CCDC171: variants seen among roughly 807,000 people sequenced by gnomAD.
CCDC171 encodes coiled-coil domain containing 171, also known as coiled-coil domain-containing protein 171.
Under a neutral mutation model 168.2 loss-of-function variants are expected in CCDC171, and 177 were observed. The observed-to-expected ratio is 1.05, with a 90% confidence interval of 0.93 to 1.19. The LOEUF (loss-of-function observed/expected upper bound fraction) is 1.19, where lower values mean the gene tolerates loss of function less well. Among genes scored for constraint, CCDC171 ranks in the 50% most tolerant of loss-of-function variants. The pLI is 0.00. For missense variants in CCDC171, 1,991 were observed against 1,539.0 expected, an observed-to-expected ratio of 1.29 and a Z score of -4.91; for synonymous variants, 687 against 540.8, an observed-to-expected ratio of 1.27 and a Z score of -3.75.
At chr9:15,886,864 G>A (rs1175002549) in intron 24 of CCDC171, 4 of 151,998 alleles carry the variant, frequency 2.6e-5, no homozygotes, top group Non-Finnish European at 4.4e-5. Context: ...AGGACATTAT[G>A]CTAAGCGAAA....
intron 24 of CCDC171, among the ~76,000 whole-genome samples, chr9:15,880,957 G>A (rs955521633): frequency 1.3e-5 from 2 of 152,094 alleles, no homozygotes; most frequent in African/African-American, 4.8e-5. Flanking sequence ...GAGAATAAAC[G>A]AATTTGATGG....
At chr9:15,714,927 A>T (rs2052965446) in intron 11 of CCDC171, among the ~76,000 whole-genome samples, 1 of 152,206 alleles carries the variant, frequency 6.6e-6, no homozygotes, top group Admixed American at 6.5e-5. Flanking sequence ...TGTAGGTCAA[A>T]CCATTTTGTT....
At chr9:15,629,503 G>A (rs553375873) in intron 7 of CCDC171, among the ~76,000 whole-genome samples, 3 of 152,160 alleles carry the variant, frequency 2.0e-5, no homozygotes, top group Admixed American at 1.3e-4. Flanking sequence ...AACGAACAAA[G>A]CCTCCAGGAA....
downstream of CCDC171, among the ~76,000 whole-genome samples, chr9:15,978,104 T>G (rs1211547735): frequency 6.6e-6 from 1 of 152,132 alleles, no homozygotes; most frequent in African/African-American, 2.4e-5. Flanking sequence ...TCCCTGCAAA[T>G]CATTTAGGAC....
intron 25 of CCDC171, among the ~76,000 whole-genome samples, chr9:15,957,973 T>C (rs144406940): frequency 3.3e-5 from 5 of 152,214 alleles, no homozygotes; most frequent in African/African-American, 1.2e-4. Flanking sequence ...AAAGGAGGAA[T>C]TGAAGAAAGT....
At chr9:15,954,209 C>T (rs747648002) in intron 25 of CCDC171, among the ~76,000 whole-genome samples, 12 of 149,578 alleles carry the variant, frequency 8.0e-5, no homozygotes, top group Non-Finnish European at 1.8e-4. Flanking sequence ...TTTCCCCCTT[C>T]CTTCTGCTAG....
chr9:15,960,690 A>C (rs139855639), intron 25 of CCDC171, among the ~76,000 whole-genome samples: 2 of 152,218 alleles, frequency 1.3e-5, no homozygotes, highest in African/African-American at 4.8e-5. Flanking sequence ...GTTTTAGAAC[A>C]TGTGCCCCAG....
rs1160636169 is a variant in CCDC171 at position 15,777,599 on chromosome 9, G to T, written c.2672-1G>T. 2 of 1,595,224 alleles carry T rather than the reference G, an allele frequency of 1.3e-6. No individual in the cohort carries two copies. Among genetic ancestry groups the T allele is most frequent in the Non-Finnish European group, 1.7e-6 (2 of 1,172,184 alleles). On this transcript the variant is annotated splice_acceptor_variant, in intron 18 of 25. Coordinates refer to ENST00000380701, the MANE Select transcript of CCDC171 (RefSeq NM_173550.4). LOFTEE classifies it high-confidence loss of function. ...GTGCCTTTTTTTCTTTTTCTTTGAA[G>T]ATCCAAATTCCAGAATTTGTGGACA... is the stretch of plus-strand genomic sequence containing the variant.
chr9:15,707,737 A>G (rs1156250740), intron 11 of CCDC171, among the ~76,000 whole-genome samples: 1 of 152,242 alleles, frequency 6.6e-6, no homozygotes, highest in South Asian at 2.1e-4. Flanking sequence ...CGGAACTGAA[A>G]CAATTCATTG....
chr9:15,707,836 A>G (rs1377427434), intron 11 of CCDC171, among the ~76,000 whole-genome samples: 2 of 152,200 alleles, frequency 1.3e-5, no homozygotes, highest in East Asian at 3.8e-4. Flanking sequence ...TCAGATAATT[A>G]AAAATGCTGA....
intron 21 of CCDC171, among the ~76,000 whole-genome samples, chr9:15,824,181 T>A (rs948087909): frequency 6.6e-6 from 1 of 152,082 alleles, no homozygotes; most frequent in Non-Finnish European, 1.5e-5. Flanking sequence ...TATCTATGTT[T>A]ATCTGTATAG....
chr9:16,077,300 C>G, the CCDC171 span, among the ~76,000 whole-genome samples: 2 of 152,154 alleles, frequency 1.3e-5, no homozygotes, highest in Admixed American at 6.5e-5. Flanking sequence ...CCATGAGTAA[C>G]TTGAAGAATG....
At chr9:15,947,448 C>T (rs1475290268) in intron 25 of CCDC171, among the ~76,000 whole-genome samples, 2 of 151,944 alleles carry the variant, frequency 1.3e-5, no homozygotes, top group African/African-American at 4.8e-5. Context: ...TAGAATTCTA[C>T]AGTATTTGTC....
the CCDC171 span, among the ~76,000 whole-genome samples, chr9:16,103,870 G>A: frequency 6.6e-6 from 1 of 152,186 alleles, no homozygotes; most frequent in Non-Finnish European, 1.5e-5. Context: ...ATTTGGGGAC[G>A]TGTTCAAAAC....
At chr9:15,968,838 C>T (rs182648158) in intron 25 of CCDC171, among the ~76,000 whole-genome samples, 2 of 152,258 alleles carry the variant, frequency 1.3e-5, no homozygotes, top group East Asian at 1.9e-4. Flanking sequence ...CATCCCCAGC[C>T]GGTGGCTTCT....
chr9:15,859,389 A>T (rs961986646), intron 23 of CCDC171, among the ~76,000 whole-genome samples: 2 of 151,812 alleles, frequency 1.3e-5, no homozygotes, highest in African/African-American at 4.8e-5. Flanking sequence ...TATCAGGAAG[A>T]TGCTGGTCTC....
intron 2 of CCDC171, among the ~76,000 whole-genome samples, chr9:15,568,384 C>T (rs568281383): frequency 6.6e-6 from 1 of 151,804 alleles, no homozygotes; most frequent in African/African-American, 2.4e-5. Context: ...CATTCTCCTG[C>T]CTCAGCCTCC....
At chr9:15,842,119 G>C (rs1475786163) in intron 21 of CCDC171, among the ~76,000 whole-genome samples, 1 of 151,844 alleles carries the variant, frequency 6.6e-6, no homozygotes, top group African/African-American at 2.4e-5. Context: ...TATAACACTT[G>C]TGTTGTCTTG....
rs550213166 is a variant in CCDC171, at chr9:15,649,435, A to G, written c.823-7692A>G. Among the ~76,000 whole-genome samples, 65 of 152,358 alleles carry G rather than the reference A, an allele frequency of 4.3e-4. 1 individual carries two copies. The South Asian group carries it at 9.7e-3, about 23-fold the overall frequency. ...AACTAAAGAGCTCCTGCACAGCAAA[A>G]GAAGCTACCATCAGAGCGAACAGGT... On this transcript the variant is annotated intron_variant, in intron 7 of 25. Coordinates refer to ENST00000380701, the MANE Select transcript of CCDC171 (RefSeq NM_173550.4).
Sources: allele counts gnomAD v4.1 joint callset (sites outside exome capture counted in the v4.1 genomes callset), GRCh38; gene constraint gnomAD v4.1.1; transcripts MANE v1.5; gene names NCBI Gene and HGNC (gene_info 2026-07-23, HGNC 2026-07-21).